Variants in AGMO observed in about 807,000 individuals in gnomAD.
The protein encoded by AGMO is glyceryl-ether monooxygenase.
A neutral mutation model predicts 60.2 loss-of-function variants in AGMO; 75 were observed. That is an observed-to-expected ratio of 1.25 (90% CI 1.03 to 1.51). The LOEUF (loss-of-function observed/expected upper bound fraction) is 1.51. Ranked by LOEUF, AGMO falls within the 40% of genes most tolerant of loss-of-function variation. The pLI is 0.00. For missense variants in AGMO, 763 were observed against 525.5 expected, an observed-to-expected ratio of 1.45 and a Z score of -4.42; for synonymous variants, 261 against 177.1, an observed-to-expected ratio of 1.47 and a Z score of -3.76.
chr7:15,463,361 G>A (rs1398178776), intron 3 of AGMO, among the ~76,000 whole-genome samples: 1 of 152,098 alleles, frequency 6.6e-6, no homozygotes, highest in Non-Finnish European at 1.5e-5. Context: ...GGCACAAGAA[G>A]CTGAACTGTA....
intron 5 of AGMO, among the ~76,000 whole-genome samples, chr7:15,410,732 T>C (rs2128492268): frequency 6.6e-6 from 1 of 152,108 alleles, no homozygotes; most frequent in East Asian, 1.9e-4. Context: ...ATTTCTATAA[T>C]GTAAACTGCA....
chr7:15,531,046 ATT>A (rs1784310138), intron 3 of AGMO, among the ~76,000 whole-genome samples: 1 of 77,028 alleles, frequency 1.3e-5, no homozygotes, highest in Admixed American at 1.9e-4. Context: ...TTCTATATAT[ATT>A]CTATATATAT....
At chr7:15,457,516 T>C (rs1258515507) in intron 3 of AGMO, among the ~76,000 whole-genome samples, 1 of 152,198 alleles carries the variant, frequency 6.6e-6, no homozygotes, top group African/African-American at 2.4e-5. Context: ...CCAGGCATCA[T>C]GTGTAATTAT....
At chr7:15,350,114 TA>T (rs1270459045) in intron 12 of AGMO, among the ~76,000 whole-genome samples, 1 of 152,192 alleles carries the variant, frequency 6.6e-6, no homozygotes, top group East Asian at 1.9e-4. Flanking sequence ...TAATTCATAA[TA>T]ACTGTGTTTC....
chr7:15,281,829 A>T (rs1783975084), intron 12 of AGMO, among the ~76,000 whole-genome samples: 1 of 152,166 alleles, frequency 6.6e-6, no homozygotes. Context: ...CCACAAGAGA[A>T]TGAGATAAGC....
chr7:15,315,274 T>C (rs1780885177), intron 12 of AGMO, among the ~76,000 whole-genome samples: 1 of 149,914 alleles, frequency 6.7e-6, no homozygotes, highest in Non-Finnish European at 1.5e-5. Flanking sequence ...ACAAAATTTT[T>C]AAGTATGATT....
At chr7:15,331,112 C>T (rs1781487645) in intron 12 of AGMO, among the ~76,000 whole-genome samples, 1 of 152,114 alleles carries the variant, frequency 6.6e-6, no homozygotes, top group South Asian at 2.1e-4. Flanking sequence ...GTAAAGGAGG[C>T]CACTCCATTA....
chr7:15,392,798 C>CA (rs200843624), intron 6 of AGMO, among the ~76,000 whole-genome samples: 11,891 of 106,972 alleles, frequency 0.11, 507 homozygotes, highest in Middle Eastern at 0.17. Flanking sequence ...GACTCTGTCT[C>CA]AAAACAAACA....
chr7:15,343,169 A>G (rs1583431014), intron 12 of AGMO, among the ~76,000 whole-genome samples: 1 of 152,148 alleles, frequency 6.6e-6, no homozygotes, highest in South Asian at 2.1e-4. Flanking sequence ...TATTGGTGTG[A>G]TAACATATCT....
the AGMO span, among the ~76,000 whole-genome samples, chr7:15,143,636 C>T: frequency 6.6e-6 from 1 of 150,964 alleles, no homozygotes; most frequent in Non-Finnish European, 1.5e-5. Context: ...TTCAGTGAAA[C>T]AAGATGAGCA....
At chr7:15,206,681 T>C (rs150289420) in intron 12 of AGMO, among the ~76,000 whole-genome samples, 1,699 of 152,282 alleles carry the variant, frequency 0.011, 43 homozygotes, top group African/African-American at 0.04. Flanking sequence ...AAGAGGTTTT[T>C]GTGTGCTTGT....
the AGMO span, among the ~76,000 whole-genome samples, chr7:15,123,409 T>C: frequency 6.6e-6 from 1 of 151,984 alleles, no homozygotes; most frequent in Non-Finnish European, 1.5e-5. Flanking sequence ...GTATCCTAAG[T>C]GCCTAGTGTT....
At position 15,406,720 on chromosome 7, in the gene AGMO, T is replaced by C. The variant is rs541357007; in HGVS notation, c.609+11838A>G. Among the ~76,000 whole-genome samples the C allele has an allele frequency of 7.6e-5, 6 of 79,072 alleles. No individual in the cohort carries two copies. In the South Asian group the frequency reaches 2.8e-3, roughly 36 times the overall value. 51.9% of individuals were successfully genotyped at this position (79,072 alleles called of 152,430 possible). A position where few individuals can be genotyped will look rare whatever the true frequency, so the allele number is the denominator to read the frequency against. On this transcript the variant is annotated intron_variant, in intron 5 of 12. Coordinates refer to ENST00000342526, the MANE Select transcript of AGMO (RefSeq NM_001004320.2). ...ATATACATATATATGTGTATATATATGTATATACACACATACATATGAATA... is the reference window on the plus strand; with the variant it reads ...ATATACATATATATGTGTATATATACGTATATACACACATACATATGAATA...
chr7:15,231,013 T>C (rs1476731037), intron 12 of AGMO, among the ~76,000 whole-genome samples: 1 of 152,220 alleles, frequency 6.6e-6, no homozygotes, highest in Non-Finnish European at 1.5e-5. Context: ...TCAGCTATTT[T>C]AATTCAGGGT....
chr7:15,383,721 A>G (rs1474906484), intron 10 of AGMO, among the ~76,000 whole-genome samples: 1 of 152,088 alleles, frequency 6.6e-6, no homozygotes, highest in Non-Finnish European at 1.5e-5. Flanking sequence ...TCAATAATAC[A>G]CATTGTTGTT....
chr7:15,375,543 C>T lies in AGMO; in HGVS notation c.1075-9321G>A, dbSNP rs530848093. Among the ~76,000 whole-genome samples the T allele has an allele frequency of 5.6e-4, 85 of 151,894 alleles. 1 individual carries two copies. Among genetic ancestry groups the T allele is most frequent in the African/African-American group, 1.9e-3 (80 of 41,362 alleles). ...TCCAGAGTAGCTGGGATTACAGACA[C>T]CTGCCACCGCACCCAGCTAATTTTT... On this transcript the variant is annotated intron_variant, in intron 10 of 12. Coordinates refer to ENST00000342526, the MANE Select transcript of AGMO (RefSeq NM_001004320.2).
At position 15,333,062 on chromosome 7, in the gene AGMO, T is replaced by C. The variant is rs570957711; in HGVS notation, c.1263+32452A>G. Among the ~76,000 whole-genome samples, 6 of 152,188 alleles carry C rather than the reference T, an allele frequency of 3.9e-5. No individual in the cohort carries two copies. In the East Asian group the frequency reaches 7.7e-4, roughly 20 times the overall value. Reference sequence around the variant, plus strand: ...ATAGTCCAAGCTTATAACCAGAAAATTGAACTCAACTCTATTTTATCATAA... The same window carrying C: ...ATAGTCCAAGCTTATAACCAGAAAACTGAACTCAACTCTATTTTATCATAA... On this transcript the variant is annotated intron_variant, in intron 12 of 12. Coordinates refer to ENST00000342526, the MANE Select transcript of AGMO (RefSeq NM_001004320.2).
intron 12 of AGMO, among the ~76,000 whole-genome samples, chr7:15,334,981 T>C (rs917450575): frequency 2.0e-5 from 3 of 152,164 alleles, no homozygotes; most frequent in Admixed American, 2.0e-4. Flanking sequence ...AAATGTCTGT[T>C]TGGATTTTTA....
intron 3 of AGMO, among the ~76,000 whole-genome samples, chr7:15,437,966 A>G (rs1781447033): frequency 6.6e-6 from 1 of 152,130 alleles, no homozygotes; most frequent in African/African-American, 2.4e-5. Flanking sequence ...CTATCCCATA[A>G]TCACACTTTA....
Sources: allele counts gnomAD v4.1 joint callset (sites outside exome capture counted in the v4.1 genomes callset), GRCh38; gene constraint gnomAD v4.1.1; transcripts MANE v1.5; gene names NCBI Gene and HGNC (gene_info 2026-07-23, HGNC 2026-07-21).